Variants in STRBP observed in about 807,000 individuals in gnomAD.
The protein encoded by STRBP is spermatid perinuclear RNA binding protein.
In STRBP, 13 loss-of-function variants were observed where a neutral mutation model predicts 80.1. That is an observed-to-expected ratio of 0.16 (90% CI 0.11 to 0.26). The LOEUF is 0.26. STRBP is among the 10% of genes least tolerant of loss of function. STRBP has a pLI of 1.00. For synonymous variants in STRBP, 284 were observed against 291.2 expected, an observed-to-expected ratio of 0.98 and a Z score of 0.25; for missense variants, 485 against 815.2, an observed-to-expected ratio of 0.59 and a Z score of 4.93.
intron 2 of STRBP, among the ~76,000 whole-genome samples, chr9:123,223,715 G>A (rs1019397818): frequency 2.0e-5 from 3 of 151,848 alleles, no homozygotes; most frequent in East Asian, 1.9e-4. Context: ...CCAATTCAAC[G>A]TTACAATTTT....
Position 123,123,608 on chromosome 9 carries a change from T to C in STRBP, c.*1989A>G. 2 of 985,314 alleles carry C rather than the reference T, an allele frequency of 2.0e-6. No homozygotes were observed. The highest frequency in any genetic ancestry group is 2.4e-6 in the Non-Finnish European group (2 of 829,904). The allele number at this position is 985,314 out of a possible 1,614,324, so 61.0% of individuals were successfully genotyped here. A position where few individuals can be genotyped will look rare whatever the true frequency, so the allele number is the denominator to read the frequency against. On this transcript the variant is annotated 3_prime_UTR_variant, in exon 19 of 19. Transcript: ENST00000348403. Reference sequence around the variant, plus strand: ...ATGTTGGAAAACAGCACAGCTCCCTTTTCACCATTACAGAGCGCGTGAGTT... The same window carrying C: ...ATGTTGGAAAACAGCACAGCTCCCTCTTCACCATTACAGAGCGCGTGAGTT...
At chr9:123,130,194 A>G (rs79539389) in intron 17 of STRBP, among the ~76,000 whole-genome samples, 2,547 of 152,276 alleles carry the variant, frequency 0.017, 81 homozygotes, top group African/African-American at 0.058. Flanking sequence ...TCAGTGTTCT[A>G]TGTACAGTAA....
intron 2 of STRBP, among the ~76,000 whole-genome samples, chr9:123,201,714 GTA>G (rs1208971771): frequency 4.6e-5 from 7 of 152,188 alleles, no homozygotes; most frequent in African/African-American, 7.2e-5. Flanking sequence ...TGATAAAAAT[GTA>G]TATTCTGCAG....
At chr9:123,117,511 C>T (rs1489617208), downstream of STRBP, among the ~76,000 whole-genome samples, 3 of 152,142 alleles carry the variant, frequency 2.0e-5, no homozygotes, top group Admixed American at 1.3e-4. Flanking sequence ...TTACCATACA[C>T]GGGTCCAACT....
chr9:123,219,332 C>G (rs555011249), intron 2 of STRBP, among the ~76,000 whole-genome samples: 9 of 152,316 alleles, frequency 5.9e-5, no homozygotes, highest in Admixed American at 1.3e-4. Flanking sequence ...TTCAACCCCC[C>G]ACAAACTCTG....
At chr9:123,201,541 T>C (rs1391554283) in intron 2 of STRBP, among the ~76,000 whole-genome samples, 2 of 152,212 alleles carry the variant, frequency 1.3e-5, no homozygotes, top group Admixed American at 1.3e-4. Context: ...TGACTAGTAC[T>C]TCCAGAACAG....
chr9:123,197,882 G>T (rs2039160791), intron 2 of STRBP, among the ~76,000 whole-genome samples: 1 of 151,732 alleles, frequency 6.6e-6, no homozygotes, highest in African/African-American at 2.4e-5. Context: ...ACCCTGTTGG[G>T]TGGCTTGTCT....
intron 2 of STRBP, among the ~76,000 whole-genome samples, chr9:123,191,248 G>A (rs953134421): frequency 5.9e-5 from 9 of 152,136 alleles, no homozygotes; most frequent in African/African-American, 1.9e-4. Context: ...TGCAAAGGTG[G>A]CACCTAAGCA....
chr9:123,250,357 CTTGTG>C (rs1319188743), intron 1 of STRBP, among the ~76,000 whole-genome samples: 1 of 152,050 alleles, frequency 6.6e-6, no homozygotes, highest in Non-Finnish European at 1.5e-5. Flanking sequence ...TTTCTTTTGT[CTTGTG>C]TTAACATATA....
In STRBP at chr9:123,136,518, A is replaced by G. The variant is rs371582318; in HGVS notation, c.1498-3T>C. On this transcript the variant is annotated splice_region_variant and splice_polypyrimidine_tract_variant and intron_variant, in intron 14 of 18. Transcript: ENST00000348403. This position sits in a 1 kb window ranked among gnomAD's most constrained non-coding sequence, Gnocchi z 4.2. ...AGGATAGGGCCCTGAGTTCTTACCTATAAGAGAAAGGGAATCTGAAGGTTC... is the reference window on the plus strand; with the variant it reads ...AGGATAGGGCCCTGAGTTCTTACCTGTAAGAGAAAGGGAATCTGAAGGTTC... 1.5e-5 allele frequency: 24 copies of G among 1,612,076 alleles called. No homozygotes were observed. The African/African-American group carries it at 2.1e-4, about 14-fold the overall frequency.
intron 2 of STRBP, among the ~76,000 whole-genome samples, chr9:123,208,603 T>C (rs2039604203): frequency 6.6e-6 from 1 of 152,208 alleles, no homozygotes; most frequent in Non-Finnish European, 1.5e-5. Flanking sequence ...ATAAACAACA[T>C]ATACATGAAT....
chr9:123,225,671 T>G (rs1001969091), intron 2 of STRBP, among the ~76,000 whole-genome samples: 1 of 152,180 alleles, frequency 6.6e-6, no homozygotes, highest in Non-Finnish European at 1.5e-5. Context: ...TAGCACCCCC[T>G]GATGGTATTG....
chr9:123,134,294 T>G (rs974948383), intron 16 of STRBP, among the ~76,000 whole-genome samples: 5 of 152,354 alleles, frequency 3.3e-5, no homozygotes, highest in Admixed American at 6.5e-5. Flanking sequence ...CAACAGTGTC[T>G]AAGAAGCTGA....
At chr9:123,209,499 G>C (rs530782769) in intron 2 of STRBP, among the ~76,000 whole-genome samples, 1 of 152,206 alleles carries the variant, frequency 6.6e-6, no homozygotes, top group African/African-American at 2.4e-5. Context: ...TACACAATAT[G>C]TTATTTTTGT....
intron 6 of STRBP, among the ~76,000 whole-genome samples, chr9:123,162,287 C>T (rs1176532534): frequency 6.6e-6 from 1 of 151,682 alleles, no homozygotes; most frequent in East Asian, 1.9e-4. Context: ...TGCACTGGCA[C>T]GATCTCAGCT....
Position 123,268,119 on chromosome 9 carries a change from C to T in STRBP, c.-302+317G>A, listed in dbSNP as rs576015941. On this transcript the variant is annotated intron_variant, in intron 1 of 18. Coordinates refer to ENST00000348403, the MANE Select transcript of STRBP (RefSeq NM_018387.5). ...CCGGAAGACCTCCCGGCACCGCGTC[C>T]CCCAACCCTGCCCACGCCCTCCCCT... Among the ~76,000 whole-genome samples the T allele has an allele frequency of 3.6e-3, 554 of 151,846 alleles. 2 individuals carry two copies. Among genetic ancestry groups the T allele is most frequent in the African/African-American group, 0.013 (523 of 41,446 alleles).
chr9:123,170,119 T>A, intron 5 of STRBP, 73 bp from the exon 6 acceptor site: 1 of 1,425,260 alleles, frequency 7.0e-7, no homozygotes, highest in East Asian at 2.6e-5. Flanking sequence ...AAACAATGCT[T>A]GTACTAAGTT....
chr9:123,190,054 T>C (rs773505665), intron 2 of STRBP, among the ~76,000 whole-genome samples: 10 of 151,824 alleles, frequency 6.6e-5, no homozygotes, highest in Non-Finnish European at 1.5e-4. Context: ...CAGAGATGGG[T>C]GGATCACTTG....
At chr9:123,147,753 C>G in intron 12 of STRBP, 25 bp downstream of exon 12, 1 of 1,541,106 alleles carries the variant, frequency 6.5e-7, no homozygotes, top group Non-Finnish European at 8.8e-7. Flanking sequence ...TAGTTTGCAT[C>G]TATAAGAATA....
Sources: allele counts gnomAD v4.1 joint callset (sites outside exome capture counted in the v4.1 genomes callset), GRCh38; gene constraint gnomAD v4.1.1; non-coding constraint Gnocchi (gnomAD v3.1); transcripts MANE v1.5; gene names NCBI Gene and HGNC (gene_info 2026-07-23, HGNC 2026-07-21).